The following SLC22A23 variants were observed in gnomAD, a reference collection of about 807,000 sequenced individuals.
SLC22A23 encodes the protein ion transporter protein.
Under a neutral mutation model 61.0 loss-of-function variants are expected in SLC22A23, and 26 were observed. The observed-to-expected ratio is 0.43, with a 90% CI of 0.31 to 0.59. The LOEUF is 0.59. SLC22A23 is among the 20% of genes least tolerant of loss of function. The pLI is 0.11. For synonymous variants in SLC22A23, 430 were observed against 413.9 expected (o/e 1.04, Z -0.47); for missense variants, 796 against 934.7 (o/e 0.85, Z 1.94).
At chr6:3,293,765 A>G (rs1428334506) in intron 5 of SLC22A23, among the ~76,000 whole-genome samples, 1 of 152,214 alleles carries the variant, frequency 6.6e-6, no homozygotes, top group East Asian at 1.9e-4. Context: ...AGGTGGCCTG[A>G]CATATCCACC....
Position 3,273,242 on chromosome 6 carries a change from T to C in SLC22A23, c.1874A>G (p.Asn625Ser), listed in dbSNP as rs756709749. ...ILLLPESRDQ[N>S]LPENISNGEH... ...CCCGTTAGAAATGTTCTCAGGCAGG[T>C]TCTGGTCCCTGCTCTCGGGCAGCAG... Residue 625 changes from asparagine (N) to serine (S), a missense_variant, in exon 10 of 10, where the codon AAC becomes AGC. By Grantham distance (46) the Asn-to-Ser change is conservative. Coordinates refer to ENST00000406686, the MANE Select transcript of SLC22A23 (RefSeq NM_015482.2). 3.7e-6 allele frequency: 6 copies of C among 1,613,186 alleles called. No homozygotes were observed. The South Asian group carries it at 6.6e-5, about 18-fold the overall frequency.
At chr6:3,445,150 G>T in intron 1 of SLC22A23, 1 of 228,344 alleles carries the variant, frequency 4.4e-6, no homozygotes, top group Non-Finnish European at 7.3e-6. Context: ...AGAGACCCAT[G>T]ACAAGTGGCA....
At chr6:3,382,844 G>C in intron 3 of SLC22A23, among the ~76,000 whole-genome samples, 1 of 152,302 alleles carries the variant, frequency 6.6e-6, no homozygotes, top group East Asian at 1.9e-4. Flanking sequence ...AGGGAGGAAA[G>C]AGCTCTTGCC....
intron 3 of SLC22A23, among the ~76,000 whole-genome samples, chr6:3,344,283 A>G (rs1764302096): frequency 1.3e-5 from 2 of 152,252 alleles, no homozygotes; most frequent in African/African-American, 4.8e-5. Context: ...GAAGGAGGGG[A>G]AAACCAAACA....
At chr6:3,432,373 C>T (rs1013035801) in intron 1 of SLC22A23, 22 of 985,328 alleles carry the variant, frequency 2.2e-5, no homozygotes, top group East Asian at 1.1e-4. Context: ...GTTTTTTCCC[C>T]GAATTCTGAA....
At chr6:3,289,975 G>T in intron 5 of SLC22A23, 109 bp from the exon 6 acceptor site, 96 of 544,228 alleles carry the variant, frequency 1.8e-4, no homozygotes, top group Non-Finnish European at 2.2e-4. Flanking sequence ...AGAAGGGAGA[G>T]AGAAGCTTTT....
chr6:3,324,299 G>A lies in SLC22A23; in HGVS notation c.914-297C>T. On this transcript the variant is annotated intron_variant, in intron 3 of 9. Transcript: ENST00000406686. This position sits in a 1 kb window ranked among gnomAD's most constrained non-coding sequence, Gnocchi z 4.3. ...AGGAAATGGTACTGCCTATGGGACA[G>A]ATCGCCCATTGTTCCTGCTTCCTCT... 2.8e-6 allele frequency: 1 copy of A among 358,148 alleles called. No individual in the cohort carries two copies. The highest frequency in any genetic ancestry group is 5.2e-6 in the Non-Finnish European group (1 of 193,898). The allele number at this position is 358,148 out of a possible 1,614,324, so 22.2% of individuals were successfully genotyped here. A position where few individuals can be genotyped will look rare whatever the true frequency, so the allele number is the denominator to read the frequency against.
intron 9 of SLC22A23, among the ~76,000 whole-genome samples, chr6:3,278,062 T>C (rs774332299): frequency 2.0e-5 from 3 of 152,152 alleles, no homozygotes; most frequent in Non-Finnish European, 2.9e-5. Context: ...GATGGTAGCC[T>C]CTGAGAGACC....
rs764435049 is a variant in SLC22A23 at position 3,324,336 on chromosome 6, G to A, written c.914-334C>T. 1.3e-5 allele frequency among the ~76,000 whole-genome samples: 2 copies of A among 152,126 alleles called. No homozygotes were observed. Among genetic ancestry groups the A allele is most frequent in the African/African-American group, 2.4e-5 (1 of 41,402 alleles). On this transcript the variant is annotated intron_variant, in intron 3 of 9. Transcript: ENST00000406686. This position sits in a 1 kb window ranked among gnomAD's most constrained non-coding sequence, Gnocchi z 4.3. ...TTCCTGCTTCCTCTGCTCTCCAGAC[G>A]TCACTGAGCTTGCTGTCCAGCACGT...
intron 5 of SLC22A23, among the ~76,000 whole-genome samples, chr6:3,292,849 AGCACTCGGGG>A (rs1222698938): frequency 3.1e-5 from 4 of 129,952 alleles, no homozygotes; most frequent in Non-Finnish European, 6.7e-5. Context: ...GGCCTCTGGG[AGCACTCGGGG>A]AGCACGTGTC....
chr6:3,381,180 TC>T (rs1766928451), intron 3 of SLC22A23, among the ~76,000 whole-genome samples: 1 of 151,740 alleles, frequency 6.6e-6, no homozygotes, highest in South Asian at 2.1e-4. Context: ...CTAACTGAAG[TC>T]CCTTCCCGTG....
chr6:3,269,278 T>C lies in SLC22A23; in HGVS notation c.*3777A>G, dbSNP rs189895266. Reference sequence around the variant, plus strand: ...TTTAAGACCAGGACTCGAAGCAGAGTGAGAGGCCTCCCTCCACCCACCTCG... The same window carrying C: ...TTTAAGACCAGGACTCGAAGCAGAGCGAGAGGCCTCCCTCCACCCACCTCG... On this transcript the variant is annotated 3_prime_UTR_variant, in exon 10 of 10. Coordinates refer to ENST00000406686, the MANE Select transcript of SLC22A23 (RefSeq NM_015482.2). 1 of 152,200 alleles carries C rather than the reference T, an allele frequency of 6.6e-6. No individual in the cohort carries two copies. The highest frequency in any genetic ancestry group is 1.5e-5 in the Non-Finnish European group (1 of 68,022). 9.4% of individuals were successfully genotyped at this position (152,200 alleles called of 1,614,324 possible). A position where few individuals can be genotyped will look rare whatever the true frequency, so the allele number is the denominator to read the frequency against.
chr6:3,346,242 T>C (rs948243222), intron 3 of SLC22A23, among the ~76,000 whole-genome samples: 1 of 152,176 alleles, frequency 6.6e-6, no homozygotes, highest in Non-Finnish European at 1.5e-5. Context: ...TCAACGTCTC[T>C]GCTGACCTGC....
intron 9 of SLC22A23, among the ~76,000 whole-genome samples, chr6:3,281,939 G>T (rs1759507818): frequency 6.6e-6 from 1 of 152,168 alleles, no homozygotes. Flanking sequence ...CATGTTTGTT[G>T]AATTTCTATC....
chr6:3,433,079 G>T (rs1770974618), intron 1 of SLC22A23, among the ~76,000 whole-genome samples: 1 of 152,208 alleles, frequency 6.6e-6, no homozygotes, highest in Non-Finnish European at 1.5e-5. Flanking sequence ...GCTTGCCCAG[G>T]TCATTCTTAC....
In SLC22A23 at chr6:3,386,482, G is replaced by A. The variant is rs1043014372; in HGVS notation, c.913+23706C>T. ...AAGTTGGCTTCTCTGGAAAGTGGGG[G>A]AGGGTCTGAATAAAGCAGCCAACAG... On this transcript the variant is annotated intron_variant, in intron 3 of 9. Transcript: ENST00000406686. This position sits in a 1 kb window ranked among gnomAD's most constrained non-coding sequence, Gnocchi z 4.4. Among the ~76,000 whole-genome samples, 1 of 152,180 alleles carries A rather than the reference G, an allele frequency of 6.6e-6. No homozygotes were observed. The highest frequency in any genetic ancestry group is 2.4e-5 in the African/African-American group (1 of 41,440).
chr6:3,350,202 C>T (rs1056321689), intron 3 of SLC22A23, among the ~76,000 whole-genome samples: 4 of 152,156 alleles, frequency 2.6e-5, no homozygotes, highest in Admixed American at 6.5e-5. Context: ...GGGCAGGACC[C>T]ACCCGATGGA....
chr6:3,433,258 G>A (rs1770988553), intron 1 of SLC22A23, among the ~76,000 whole-genome samples: 1 of 152,186 alleles, frequency 6.6e-6, no homozygotes, highest in Admixed American at 6.5e-5. Context: ...CAGCTGACTG[G>A]TAGTGCCACC....
chr6:3,287,686 T>TG (rs1554134153), intron 6 of SLC22A23, among the ~76,000 whole-genome samples: 5 of 141,122 alleles, frequency 3.5e-5, no homozygotes, highest in Non-Finnish European at 7.8e-5. Flanking sequence ...TTTTTTTTTT[T>TG]GTTTTGTTTT....
Sources: allele counts gnomAD v4.1 joint callset (sites outside exome capture counted in the v4.1 genomes callset), GRCh38; gene constraint gnomAD v4.1.1; non-coding constraint Gnocchi (gnomAD v3.1); transcripts MANE v1.5; gene names NCBI Gene and HGNC (gene_info 2026-07-23, HGNC 2026-07-21).